Variants in GALNT18 observed in about 807,000 individuals in gnomAD.
GALNT18 encodes GalNAc-transferase 18.
A neutral mutation model predicts 69.5 loss-of-function variants in GALNT18; 44 were observed. The ratio of observed to expected loss-of-function variants is 0.63; its 90% confidence interval spans 0.50 to 0.81. GALNT18 has a LOEUF of 0.81. GALNT18 is among the 40% of genes least tolerant of loss of function. GALNT18 has a pLI of 0.00. For missense variants in GALNT18, 715 were observed against 810.0 expected (o/e 0.88, Z 1.42); for synonymous variants, 364 against 318.2 (o/e 1.14, Z -1.53).
rs560783274 is a variant in GALNT18, at chr11:11,507,064, A to G, written c.236-58128T>C. 1.4e-4 allele frequency among the ~76,000 whole-genome samples: 21 copies of G among 152,342 alleles called. No homozygotes were observed. The South Asian group carries it at 4.1e-3, about 30-fold the overall frequency. Reference sequence around the variant, plus strand: ...CACTGGGAACCTGAAAATGTGGGCAAACAAACAGAGGTGAAAGTGATCTGT... The same window carrying G: ...CACTGGGAACCTGAAAATGTGGGCAGACAAACAGAGGTGAAAGTGATCTGT... On this transcript the variant is annotated intron_variant, in intron 1 of 10. Transcript: ENST00000227756.
intron 2 of GALNT18, among the ~76,000 whole-genome samples, chr11:11,434,283 G>A (rs1042090539): frequency 2.6e-5 from 4 of 152,082 alleles, no homozygotes; most frequent in Non-Finnish European, 4.4e-5. Flanking sequence ...AATCTACTTC[G>A]TACTTGTGAT....
In GALNT18 at chr11:11,318,797, C is replaced by T. The variant is rs921319049; in HGVS notation, c.1512+8289G>A. Among the ~76,000 whole-genome samples, 2 of 152,138 alleles carry T rather than the reference C, an allele frequency of 1.3e-5. No individual in the cohort carries two copies. Among genetic ancestry groups the T allele is most frequent in the African/African-American group, 2.4e-5 (1 of 41,422 alleles). ...AAACAAAGAGGGGAAGTGGCCTGTC[C>T]TTTTAATATTATCCTGGGACATTAA... On this transcript the variant is annotated intron_variant, in intron 9 of 10. Transcript: ENST00000227756. The surrounding 1 kb of genome is among the most constrained non-coding windows in gnomAD (Gnocchi z 5.1).
chr11:11,460,648 C>A (rs1305346503), intron 1 of GALNT18, among the ~76,000 whole-genome samples: 1 of 151,690 alleles, frequency 6.6e-6, no homozygotes, highest in Non-Finnish European at 1.5e-5. Context: ...AAAGCAGGGA[C>A]TGAGGCAGTC....
At chr11:11,502,302 G>A (rs539316695) in intron 1 of GALNT18, among the ~76,000 whole-genome samples, 15 of 152,316 alleles carry the variant, frequency 9.8e-5, no homozygotes, top group African/African-American at 3.1e-4. Context: ...ACCATCTGAC[G>A]TGGCTCCTAA....
intron 1 of GALNT18, among the ~76,000 whole-genome samples, chr11:11,519,081 G>A (rs976136467): frequency 6.6e-6 from 1 of 152,308 alleles, no homozygotes; most frequent in Non-Finnish European, 1.5e-5. Flanking sequence ...AGGTGCAATC[G>A]ATAGACTGTG....
chr11:11,357,831 C>A (rs888508104), intron 6 of GALNT18, among the ~76,000 whole-genome samples: 4 of 152,198 alleles, frequency 2.6e-5, no homozygotes, highest in African/African-American at 9.7e-5. Flanking sequence ...TTCATCACTG[C>A]ATATCCAGTG....
intron 9 of GALNT18, among the ~76,000 whole-genome samples, chr11:11,316,526 C>T (rs980071514): frequency 1.3e-5 from 2 of 152,204 alleles, no homozygotes; most frequent in Non-Finnish European, 2.9e-5. Context: ...GTACTTCTTT[C>T]ATCTCAACTC....
intron 1 of GALNT18, among the ~76,000 whole-genome samples, chr11:11,517,697 CAG>C (rs1857311093): frequency 6.6e-6 from 1 of 152,008 alleles, no homozygotes; most frequent in Non-Finnish European, 1.5e-5. Flanking sequence ...GCCGCAGAAA[CAG>C]GGCCCCTGCC....
intron 1 of GALNT18, among the ~76,000 whole-genome samples, chr11:11,508,372 A>G (rs1430447707): frequency 6.6e-6 from 1 of 152,216 alleles, no homozygotes; most frequent in Non-Finnish European, 1.5e-5. Context: ...CAAATACTAC[A>G]TAAGTGATGT....
chr11:11,312,729 G>C (rs983380768), intron 9 of GALNT18, among the ~76,000 whole-genome samples: 4 of 152,182 alleles, frequency 2.6e-5, no homozygotes, highest in Non-Finnish European at 4.4e-5. Context: ...ATTTTCAAAG[G>C]CTGCGTGTCT....
At chr11:11,343,175 C>T (rs1034651621) in intron 6 of GALNT18, among the ~76,000 whole-genome samples, 2 of 151,850 alleles carry the variant, frequency 1.3e-5, no homozygotes, top group African/African-American at 4.8e-5. Context: ...GAGACCTCAT[C>T]TCTGCTGAAA....
intron 1 of GALNT18, among the ~76,000 whole-genome samples, chr11:11,522,381 G>A (rs539292589): frequency 1.3e-5 from 2 of 152,172 alleles, no homozygotes; most frequent in Non-Finnish European, 2.9e-5. Context: ...CGGGAATGGG[G>A]CCAGGCTTCA....
intron 10 of GALNT18, among the ~76,000 whole-genome samples, chr11:11,277,164 T>C (rs1230762134): frequency 6.6e-6 from 1 of 152,234 alleles, no homozygotes; most frequent in Non-Finnish European, 1.5e-5. Flanking sequence ...GTGGGTAGGC[T>C]AGTAATTATT....
intron 1 of GALNT18, among the ~76,000 whole-genome samples, chr11:11,502,377 C>T (rs1245080986): frequency 6.6e-6 from 1 of 152,210 alleles, no homozygotes; most frequent in Non-Finnish European, 1.5e-5. Context: ...CATGTGTGGC[C>T]TTTGAGAGGC....
chr11:11,304,415 T>C (rs558140340), intron 9 of GALNT18, among the ~76,000 whole-genome samples: 72 of 152,316 alleles, frequency 4.7e-4, no homozygotes, highest in African/African-American at 1.6e-3. Context: ...ACACCAGATA[T>C]CTGACTACTG....
At chr11:11,434,179 A>G (rs1252802052) in intron 2 of GALNT18, among the ~76,000 whole-genome samples, 1 of 152,166 alleles carries the variant, frequency 6.6e-6, no homozygotes, top group East Asian at 1.9e-4. Context: ...CATGGTTACC[A>G]GAAATTTACA....
intron 6 of GALNT18, among the ~76,000 whole-genome samples, chr11:11,349,610 A>C (rs75607139): frequency 0.01 from 1,533 of 152,192 alleles, 13 homozygotes; most frequent in African/African-American, 0.027. Context: ...GGCTCATGTC[A>C]ACTTTGTCCT....
intron 5 of GALNT18, among the ~76,000 whole-genome samples, chr11:11,374,738 T>C (rs1239937417): frequency 6.6e-6 from 1 of 152,206 alleles, no homozygotes; most frequent in East Asian, 1.9e-4. Flanking sequence ...GGATTAGAAA[T>C]AGCTTATGAG....
intron 9 of GALNT18, among the ~76,000 whole-genome samples, chr11:11,323,727 A>G (rs1849873746): frequency 6.6e-6 from 1 of 152,212 alleles, no homozygotes; most frequent in South Asian, 2.1e-4. Flanking sequence ...GTCCAATAGC[A>G]TTCTTTCATT....
Sources: gnomAD v4.1 joint callset for allele counts (sites outside exome capture counted in the v4.1 genomes callset) on GRCh38, gnomAD v4.1.1 for gene constraint, Gnocchi (gnomAD v3.1) non-coding constraint, MANE v1.5 for transcripts, NCBI Gene and HGNC (gene_info 2026-07-23, HGNC 2026-07-21) for gene names.